The following TLN2 variants were observed in gnomAD, a reference collection of about 807,000 sequenced individuals.
TLN2 encodes talin 2.
Under a neutral mutation model 294.7 loss-of-function variants are expected in TLN2, and 118 were observed. The observed-to-expected ratio is 0.40, with a 90% CI of 0.34 to 0.47. TLN2 has a LOEUF of 0.47. TLN2 is among the 20% of genes least tolerant of loss of function. The probability of loss-of-function intolerance (pLI) is 0.84; values close to 1 mark genes in which losing one functional copy is unlikely to be tolerated. For missense variants in TLN2, 3,083 were observed against 3,282.2 expected, an observed-to-expected ratio of 0.94 and a Z score of 1.48; for synonymous variants, 1,431 against 1,304.5, an observed-to-expected ratio of 1.10 and a Z score of -2.09.
chr15:62,545,404 G>T (rs12907243), intron 1 of TLN2, among the ~76,000 whole-genome samples: 36,392 of 152,060 alleles, frequency 0.24, 4,749 homozygotes, highest in East Asian at 0.55. Context: ...AGAGAAAAAG[G>T]ATGGAGGAAA....
intron 1 of TLN2, among the ~76,000 whole-genome samples, chr15:62,504,008 T>G (rs567438835): frequency 5.3e-5 from 8 of 152,182 alleles, no homozygotes; most frequent in Non-Finnish European, 1.0e-4. Flanking sequence ...TTTTTGAGCC[T>G]TTTAAAAAAA....
Position 62,708,727 on chromosome 15 carries a change from C to A in TLN2, c.2398C>A (p.Arg800Ser), listed in dbSNP as rs374231402. The part of the protein sequence containing the change: ...QFASRGEPIG[R>S]YDQATDTIMC... ...TGCCAGCCGAGGCGAGCCCATCGGC[C>A]GCTACGACCAGGCTACTGACACCAT... is the stretch of plus-strand genomic sequence containing the variant. Residue 800 changes from arginine (R) to serine (S), a missense_variant, in exon 21 of 59, where the codon CGC becomes AGC. Physicochemically the swap from Arg to Ser is moderately radical, Grantham distance 110. Coordinates refer to ENST00000636159, the MANE Select transcript of TLN2 (RefSeq NM_015059.3). The A allele has an allele frequency of 2.5e-6, 4 of 1,612,540 alleles. No homozygotes were observed. Among genetic ancestry groups the A allele is most frequent in the Non-Finnish European group, 3.4e-6 (4 of 1,180,030 alleles).
intron 1 of TLN2, among the ~76,000 whole-genome samples, chr15:62,581,448 C>T (rs1186555199): frequency 6.6e-6 from 1 of 152,180 alleles, no homozygotes; most frequent in Non-Finnish European, 1.5e-5. Flanking sequence ...ATGAATAACA[C>T]TTACCTATGG....
intron 44 of TLN2, among the ~76,000 whole-genome samples, chr15:62,783,476 C>T (rs1328336838): frequency 6.6e-6 from 1 of 152,222 alleles, no homozygotes; most frequent in African/African-American, 2.4e-5. Flanking sequence ...GGCACTGGCT[C>T]CAAGCTGCAC....
chr15:62,802,347 TAGCCA>T (rs1297900410), intron 50 of TLN2, among the ~76,000 whole-genome samples: 1 of 151,902 alleles, frequency 6.6e-6, no homozygotes. Flanking sequence ...TGTACCACAG[TAGCCA>T]AGATTTGGAA....
At chr15:62,398,657 A>G (rs1225585795) in intron 1 of TLN2, among the ~76,000 whole-genome samples, 1 of 152,190 alleles carries the variant, frequency 6.6e-6, no homozygotes, top group Non-Finnish European at 1.5e-5. Flanking sequence ...ACTGGAGCCA[A>G]GGTGACTCTT....
chr15:62,673,966 C>T, intron 10 of TLN2, 76 bp downstream of exon 10: 1 of 1,189,272 alleles, frequency 8.4e-7, no homozygotes, highest in Non-Finnish European at 1.2e-6. Flanking sequence ...GGCCTCTGCG[C>T]ATGGTAGTTT....
chr15:62,487,610 C>T (rs940635697), intron 1 of TLN2, among the ~76,000 whole-genome samples: 2 of 151,992 alleles, frequency 1.3e-5, no homozygotes, highest in South Asian at 4.1e-4. Context: ...AGGTGGGAAG[C>T]TCACTTGAGC....
chr15:62,719,740 C>A, intron 24 of TLN2, 27 bp from the exon 25 acceptor site: 1 of 1,546,020 alleles, frequency 6.5e-7, no homozygotes, highest in Non-Finnish European at 8.8e-7. Flanking sequence ...TCTAGCCATG[C>A]TGTTTTTATT....
chr15:62,497,195 T>C (rs1167995148), intron 1 of TLN2, among the ~76,000 whole-genome samples: 1 of 152,212 alleles, frequency 6.6e-6, no homozygotes, highest in East Asian at 1.9e-4. Flanking sequence ...AAATGTTCGC[T>C]GAGGGAGTGG....
At chr15:62,782,111 G>A (rs961115663) in intron 44 of TLN2, among the ~76,000 whole-genome samples, 3 of 152,236 alleles carry the variant, frequency 2.0e-5, no homozygotes, top group Non-Finnish European at 4.4e-5. Context: ...CCTCGCTGAA[G>A]TGACCAGAAT....
intron 3 of TLN2, among the ~76,000 whole-genome samples, chr15:62,627,076 A>G (rs1475090759): frequency 2.0e-5 from 3 of 152,230 alleles, no homozygotes; most frequent in Non-Finnish European, 4.4e-5. Context: ...AAAAGAATCA[A>G]GGAACATCTT....
intron 51 of TLN2, 90 bp downstream of exon 51, chr15:62,805,875 G>T (rs1226129124): frequency 7.0e-7 from 1 of 1,423,150 alleles, no homozygotes; most frequent in Non-Finnish European, 9.4e-7. Context: ...GAGGGGCTCA[G>T]AACCTTAAAC....
Position 62,456,066 on chromosome 15 carries a change from A to C in TLN2, c.-238+65381A>C, listed in dbSNP as rs1350355055. ...TGCTGGGTGACAGAGTAAGACTCTT[A>C]AAAAAAAAAAAAAAAGAACCTTACT... On this transcript the variant is annotated intron_variant, in intron 1 of 58. Transcript: ENST00000636159. Among the ~76,000 whole-genome samples, 3 of 131,158 alleles carry C rather than the reference A, an allele frequency of 2.3e-5. No homozygotes were observed. The South Asian group carries it at 7.1e-4, about 31-fold the overall frequency. The allele number at this position is 131,158 out of a possible 152,430, so 86.0% of individuals were successfully genotyped here.
At chr15:62,654,579 C>T (rs1313795364) in intron 7 of TLN2, among the ~76,000 whole-genome samples, 2 of 151,464 alleles carry the variant, frequency 1.3e-5, no homozygotes. Flanking sequence ...CACGGTGAAA[C>T]CCTATCTCTG....
chr15:62,479,896 A>G (rs779950065), intron 1 of TLN2, among the ~76,000 whole-genome samples: 2 of 152,238 alleles, frequency 1.3e-5, no homozygotes, highest in Admixed American at 1.3e-4. Context: ...AAATAAACTC[A>G]ACAAAGTAAT....
chr15:62,410,886 A>G (rs2033734541), intron 1 of TLN2, among the ~76,000 whole-genome samples: 1 of 152,224 alleles, frequency 6.6e-6, no homozygotes, highest in Admixed American at 6.5e-5. Context: ...GTGCCCTTCC[A>G]CTGTGCATTC....
chr15:62,782,505 C>T (rs2064264817), intron 44 of TLN2, among the ~76,000 whole-genome samples: 4 of 152,220 alleles, frequency 2.6e-5, no homozygotes, highest in Admixed American at 1.3e-4. Flanking sequence ...GCTGCCTTGG[C>T]TTGACCCTGG....
chr15:62,814,929 G>C (rs922160272), intron 52 of TLN2, among the ~76,000 whole-genome samples: 1 of 152,162 alleles, frequency 6.6e-6, no homozygotes, highest in African/African-American at 2.4e-5. Flanking sequence ...GGCCAGTGCT[G>C]TATGAAGGTC....
Sources: gnomAD v4.1 joint callset for allele counts (sites outside exome capture counted in the v4.1 genomes callset) on GRCh38, gnomAD v4.1.1 for gene constraint, MANE v1.5 for transcripts, NCBI Gene and HGNC (gene_info 2026-07-23, HGNC 2026-07-21) for gene names.